POGZ: variants seen among roughly 807,000 people sequenced by gnomAD.
POGZ encodes pogo transposable element derived with ZNF domain, also known as pogo transposable element with ZNF domain.
POGZ carries 17 observed loss-of-function variants against 134.6 expected under a neutral mutation model. The ratio of observed to expected loss-of-function variants is 0.13; its 90% confidence interval spans 0.09 to 0.19. The LOEUF (loss-of-function observed/expected upper bound fraction) is 0.19. POGZ is among the 10% of genes least tolerant of loss of function. The pLI, the probability that POGZ is intolerant of heterozygous loss-of-function variation, is 1.00. For synonymous variants in POGZ, 693 were observed against 657.1 expected, an observed-to-expected ratio of 1.05 and a Z score of -0.84; for missense variants, 1,306 against 1,769.7, an observed-to-expected ratio of 0.74 and a Z score of 4.70.
At chr1:151,424,324 G>A in intron 8 of POGZ, 38 bp from the exon 9 acceptor site, 1 of 1,328,432 alleles carries the variant, frequency 7.5e-7, no homozygotes, top group Non-Finnish European at 1.0e-6. Flanking sequence ...GGTTATCCTG[G>A]GGGCTAGAAT....
chr1:151,428,058 A>G lies in POGZ; in HGVS notation c.860-17T>C, dbSNP rs1488709334. The stretch of plus-strand genomic sequence containing the variant: ...AGGAGGGAGCTACGGTGACCAAGTG[A>G]TAATCATCTGTTCTCCACCCACCAT... On this transcript the variant is annotated splice_polypyrimidine_tract_variant and intron_variant, in intron 6 of 18. Transcript: ENST00000271715. 1.2e-6 allele frequency: 2 copies of G among 1,613,842 alleles called. No homozygotes were observed.
intron 16 of POGZ, 47 bp downstream of exon 16, chr1:151,407,188 T>C (rs1443866265): frequency 1.4e-6 from 2 of 1,411,148 alleles, no homozygotes; most frequent in African/African-American, 1.4e-5. Context: ...TGAAAATTAA[T>C]GTAAAAACCT....
Position 151,423,455 on chromosome 1 carries a change from G to T in POGZ, c.1620C>A (p.Ser540=). 1 of 1,614,016 alleles carries T rather than the reference G, an allele frequency of 6.2e-7. No homozygotes were observed. Among genetic ancestry groups the T allele is most frequent in the South Asian group, 1.1e-5 (1 of 91,064 alleles). Residue 540 remains serine, a synonymous_variant, in exon 10 of 19, where the codon TCC becomes TCA. Coordinates refer to ENST00000271715, the MANE Select transcript of POGZ (RefSeq NM_015100.4). The part of the protein sequence containing the change: ...TICQHCYRQF[S]TPFQLQCHLE... ...AGTGGCACTGAAGCTGGAAGGGAGT[G>T]GAAAACTGGCGGTAACAGTGCTGGC...
chr1:151,404,971 T>G lies in POGZ; in HGVS notation c.4064A>C (p.Glu1355Ala). The change falls in exon 19 of 19, where the codon GAG becomes GCG. Residue 1355 changes from glutamate (E) to alanine (A), a missense_variant. Physicochemically the swap from Glu to Ala is moderately radical, Grantham distance 107. This residue lies in a region of POGZ where 107 missense variants were observed against 97.9 expected (regional missense o/e 1.09). Transcript: ENST00000271715. ...ATGTTCCCCACTCAGCTTCAGTTGC[T>G]CCTCTAGGGAGGCAATTAGCTCCTC... ...MQEELIASLEEQLKLSGEHSE... is the reference protein window; with the variant it reads ...MQEELIASLEAQLKLSGEHSE... 6.2e-7 allele frequency: 1 copy of G among 1,614,196 alleles called. No homozygotes were observed. The highest frequency in any genetic ancestry group is 2.2e-5 in the East Asian group (1 of 44,880).
chr1:151,410,049 C>T (rs1654397627), intron 12 of POGZ, among the ~76,000 whole-genome samples: 1 of 152,292 alleles, frequency 6.6e-6, no homozygotes, highest in South Asian at 2.1e-4. Flanking sequence ...TGTTTGTGTG[C>T]ATATGTATGT....
intron 3 of POGZ, among the ~76,000 whole-genome samples, chr1:151,431,310 G>A (rs1658657322): frequency 6.6e-6 from 1 of 152,088 alleles, no homozygotes; most frequent in Non-Finnish European, 1.5e-5. Context: ...TGATTTAAGT[G>A]ACCACACATA....
At chr1:151,423,342 CAATGAGTGAACAGCA>C in intron 10 of POGZ, 40 bp downstream of exon 10, 1 of 1,478,176 alleles carries the variant, frequency 6.8e-7, no homozygotes, top group Non-Finnish European at 9.5e-7. Context: ...CAGCGCCATT[CAATGAGTGAACAGCA>C]AGGTATATTC....
chr1:151,426,935 CAG>C, intron 7 of POGZ: 1 of 152,134 alleles, frequency 6.6e-6, no homozygotes, highest in South Asian at 2.1e-4. Context: ...TTTTTTGAGA[CAG>C]GGTGTCGTTC....
chr1:151,416,497 G>C (rs974359101), intron 10 of POGZ, among the ~76,000 whole-genome samples: 5 of 151,988 alleles, frequency 3.3e-5, no homozygotes, highest in Non-Finnish European at 7.4e-5. Flanking sequence ...GTGAGATTCT[G>C]TCTCAAAAAA....
chr1:151,415,369 A>G lies in POGZ; in HGVS notation c.1679-2973T>C, dbSNP rs144856284. 6.2e-3 allele frequency among the ~76,000 whole-genome samples: 948 copies of G among 152,268 alleles called. 13 individuals carry two copies. The highest frequency in any genetic ancestry group is 0.022 in the African/African-American group (894 of 41,552). On this transcript the variant is annotated intron_variant, in intron 10 of 18. Coordinates refer to ENST00000271715, the MANE Select transcript of POGZ (RefSeq NM_015100.4). ...CAATGCCAGGAAGAAAAATGTTATAATATTTGAAGAAATGGGCCGGGTGTG... is the reference window on the plus strand; with the variant it reads ...CAATGCCAGGAAGAAAAATGTTATAGTATTTGAAGAAATGGGCCGGGTGTG...
chr1:151,445,048 C>T (rs1376403612), intron 1 of POGZ, among the ~76,000 whole-genome samples: 2 of 151,408 alleles, frequency 1.3e-5, no homozygotes, highest in African/African-American at 4.9e-5. Flanking sequence ...AATACTCCAT[C>T]CCTACAAAAT....
chr1:151,406,791 G>A, intron 17 of POGZ, 120 bp downstream of exon 17: 1 of 972,312 alleles, frequency 1.0e-6, no homozygotes, highest in Non-Finnish European at 1.6e-6. Flanking sequence ...TTCTAATTAG[G>A]TCCAGCACAT....
chr1:151,450,345 T>C (rs1206602401), intron 1 of POGZ, among the ~76,000 whole-genome samples: 1 of 151,876 alleles, frequency 6.6e-6, no homozygotes, highest in Non-Finnish European at 1.5e-5. Flanking sequence ...GAACTTGATT[T>C]TATCTTCATA....
chr1:151,432,037 C>T (rs1359749378), intron 3 of POGZ, among the ~76,000 whole-genome samples: 2 of 152,056 alleles, frequency 1.3e-5, no homozygotes, highest in South Asian at 2.1e-4. Context: ...GGCATGGTGG[C>T]GCATCCCTGT....
chr1:151,434,560 C>T (rs983818007), intron 3 of POGZ, among the ~76,000 whole-genome samples: 4 of 152,208 alleles, frequency 2.6e-5, no homozygotes, highest in African/African-American at 9.7e-5. Flanking sequence ...GAGTTTTCTT[C>T]TATACTTCAG....
rs182103170 is a variant in POGZ, at chr1:151,418,064, A to G, written c.1678+5333T>C. Among the ~76,000 whole-genome samples the G allele has an allele frequency of 1.9e-4, 29 of 152,166 alleles. No individual in the cohort carries two copies. In the East Asian group the frequency reaches 4.6e-3, roughly 24 times the overall value. On this transcript the variant is annotated intron_variant, in intron 10 of 18. Transcript: ENST00000271715. ...CCCGTCTCCACTAAAAAATACAAAA[A>G]AATTAGCCGGGCGTGGTGGCGTGTG...
intron 3 of POGZ, among the ~76,000 whole-genome samples, chr1:151,437,150 C>T (rs543374676): frequency 6.6e-6 from 1 of 151,604 alleles, no homozygotes; most frequent in Non-Finnish European, 1.5e-5. Context: ...GCCGAGATTG[C>T]GCCACTGTAC....
At chr1:151,417,211 G>A (rs1206975170) in intron 10 of POGZ, among the ~76,000 whole-genome samples, 7 of 151,218 alleles carry the variant, frequency 4.6e-5, no homozygotes, top group Admixed American at 1.3e-4. Flanking sequence ...TTAGAGGCGC[G>A]TGCCACCACA....
chr1:151,427,945 T>A lies in POGZ; in HGVS notation c.956A>T (p.Lys319Ile). The change falls in exon 7 of 19, where the codon AAA (lysine) becomes ATA (isoleucine). Residue 319 changes from lysine to isoleucine, a missense_variant. Transcript: ENST00000271715. ...VTGENSNEVA[K>I]LVNTLNTIPS... ...GATGGTGTTAAGGGTATTCACCAAT[T>A]TGGCCACTTCATTGCTATTTTCGCC... The A allele has an allele frequency of 6.2e-7, 1 of 1,614,128 alleles. No homozygotes were observed. The highest frequency in any genetic ancestry group is 8.5e-7 in the Non-Finnish European group (1 of 1,180,014).
Sources: allele counts gnomAD v4.1 joint callset (sites outside exome capture counted in the v4.1 genomes callset), GRCh38; gene constraint gnomAD v4.1.1; regional missense constraint gnomAD v4.1.1; transcripts MANE v1.5; gene names NCBI Gene and HGNC (gene_info 2026-07-23, HGNC 2026-07-21).